CTNNA2: variants seen among roughly 807,000 people sequenced by gnomAD.
CTNNA2 encodes catenin alpha-2.
In CTNNA2, 42 loss-of-function variants were observed where a neutral mutation model predicts 101.0. That is an observed-to-expected ratio of 0.42 (90% CI 0.32 to 0.54). CTNNA2 has a LOEUF of 0.54. Ranked by LOEUF, CTNNA2 falls within the 20% of genes least tolerant of loss-of-function variation. CTNNA2 has a pLI of 0.14. For missense variants in CTNNA2, 871 were observed against 1,223.1 expected, an observed-to-expected ratio of 0.71 and a Z score of 4.29; for synonymous variants, 450 against 456.4, an observed-to-expected ratio of 0.99 and a Z score of 0.18.
At chr2:79,218,526 G>C (rs900792210) in intron 2 of CTNNA2, among the ~76,000 whole-genome samples, 3 of 152,102 alleles carry the variant, frequency 2.0e-5, no homozygotes, top group African/African-American at 7.2e-5. Context: ...ATGTTTGTGA[G>C]TTAAGGAGTA....
At position 80,546,079 on chromosome 2, in the gene CTNNA2, A is replaced by T. The variant is rs1464836239; in HGVS notation, c.1540+16A>T. 6.2e-7 allele frequency: 1 copy of T among 1,613,014 alleles called. No individual in the cohort carries two copies. The highest frequency in any genetic ancestry group is 8.5e-7 in the Non-Finnish European group (1 of 1,179,716). On this transcript the variant is annotated intron_variant, in intron 11 of 18. Transcript: ENST00000402739. ...TCTGTCTCAGGTAATCATCACAAACAGGTCCCTTACAAGGCAGCTGGAGGA... is the reference window on the plus strand; with the variant it reads ...TCTGTCTCAGGTAATCATCACAAACTGGTCCCTTACAAGGCAGCTGGAGGA...
intron 7 of CTNNA2, among the ~76,000 whole-genome samples, chr2:80,332,574 A>C (rs1198001441): frequency 6.6e-6 from 1 of 152,220 alleles, no homozygotes; most frequent in Non-Finnish European, 1.5e-5. Flanking sequence ...CTAATAAAAA[A>C]GGAGAGTTAA....
At chr2:79,717,231 A>G (rs1274170524) in intron 2 of CTNNA2, among the ~76,000 whole-genome samples, 1 of 152,196 alleles carries the variant, frequency 6.6e-6, no homozygotes. Context: ...AAAAGTAAAC[A>G]TTCATTGGAT....
intron 7 of CTNNA2, among the ~76,000 whole-genome samples, chr2:79,952,341 A>G (rs1211357313): frequency 1.3e-5 from 2 of 152,118 alleles, no homozygotes; most frequent in Non-Finnish European, 2.9e-5. Context: ...AACAACAACA[A>G]CAACCGAAAC....
At chr2:80,079,882 T>TAAAATAAAATAAAATAA (rs1553445210) in intron 7 of CTNNA2, among the ~76,000 whole-genome samples, 2 of 54,564 alleles carry the variant, frequency 3.7e-5, no homozygotes, top group Non-Finnish European at 5.0e-5. Context: ...TAAAATAAAA[T>TAAAATAAAATAAAATAA]AATAAAATAA....
chr2:80,390,240 C>T (rs1011050067), intron 7 of CTNNA2, among the ~76,000 whole-genome samples: 3 of 152,196 alleles, frequency 2.0e-5, no homozygotes, highest in Non-Finnish European at 4.4e-5. Context: ...CCAAAGGCAA[C>T]ATCTTCTCCC....
intron 7 of CTNNA2, among the ~76,000 whole-genome samples, chr2:79,996,435 G>T (rs2103930896): frequency 6.6e-6 from 1 of 152,256 alleles, no homozygotes; most frequent in African/African-American, 2.4e-5. Context: ...TATTATACCT[G>T]CCTGGTGTTC....
chr2:80,333,919 G>A (rs377242107), intron 7 of CTNNA2, among the ~76,000 whole-genome samples: 84 of 152,222 alleles, frequency 5.5e-4, no homozygotes, highest in African/African-American at 1.9e-3. Context: ...CACCACACCC[G>A]GCCTAGCCAC....
intron 1 of CTNNA2, among the ~76,000 whole-genome samples, chr2:79,564,112 A>G (rs1674960961): frequency 6.6e-6 from 1 of 152,178 alleles, no homozygotes; most frequent in South Asian, 2.1e-4. Context: ...CATTACCAAA[A>G]TAGGAATGCA....
chr2:80,639,914 A>G (rs187950915), intron 18 of CTNNA2, among the ~76,000 whole-genome samples: 76 of 152,176 alleles, frequency 5.0e-4, no homozygotes, highest in African/African-American at 1.8e-3. Flanking sequence ...CAGCCTGACC[A>G]ACATGGTGAA....
chr2:79,311,575 C>T (rs1457473656), intron 2 of CTNNA2, among the ~76,000 whole-genome samples: 1 of 152,096 alleles, frequency 6.6e-6, no homozygotes, highest in Non-Finnish European at 1.5e-5. Context: ...CGGTGACAGT[C>T]GCTTAAAAGT....
chr2:79,745,025 A>G (rs1295853375), intron 3 of CTNNA2, among the ~76,000 whole-genome samples: 1 of 152,180 alleles, frequency 6.6e-6, no homozygotes, highest in African/African-American at 2.4e-5. Flanking sequence ...TTCCTCACAA[A>G]TGTAGCAAGC....
chr2:80,440,580 C>T (rs982686742), intron 9 of CTNNA2, among the ~76,000 whole-genome samples: 15 of 152,132 alleles, frequency 9.9e-5, no homozygotes. Context: ...ATGTTCCTTA[C>T]AGGCTTTGTT....
At chr2:79,780,559 C>T (rs1674345227) in intron 3 of CTNNA2, among the ~76,000 whole-genome samples, 1 of 152,150 alleles carries the variant, frequency 6.6e-6, no homozygotes, top group South Asian at 2.1e-4. Context: ...CACTCAAACA[C>T]ATTACATACA....
At chr2:79,634,928 C>T (rs775143127) in intron 1 of CTNNA2, among the ~76,000 whole-genome samples, 5 of 152,066 alleles carry the variant, frequency 3.3e-5, no homozygotes, top group Admixed American at 2.0e-4. Flanking sequence ...ATATTTAGAA[C>T]TTTATTCTTA....
chr2:80,271,902 G>A (rs895473942), intron 7 of CTNNA2, among the ~76,000 whole-genome samples: 1 of 152,138 alleles, frequency 6.6e-6, no homozygotes, highest in Non-Finnish European at 1.5e-5. Context: ...ATTTCATCTG[G>A]CCATTGTTTC....
In CTNNA2 at chr2:79,820,059, C is replaced by A. The variant is rs550367480; in HGVS notation, c.299-37954C>A. On this transcript the variant is annotated intron_variant, in intron 3 of 18. Transcript: ENST00000402739. ...CACTCACATATTTGTCTGTATATGA[C>A]TGTAAATCCTCAGATAAATATATGT... Among the ~76,000 whole-genome samples the A allele has an allele frequency of 5.1e-3, 775 of 150,770 alleles. 4 individuals are homozygous for A. Among genetic ancestry groups the A allele is most frequent in the Non-Finnish European group, 5.4e-3 (368 of 67,882 alleles).
intron 7 of CTNNA2, among the ~76,000 whole-genome samples, chr2:80,159,295 G>A (rs562230496): frequency 5.9e-5 from 9 of 152,240 alleles, no homozygotes; most frequent in Middle Eastern, 3.4e-3. Context: ...GCCACCACAC[G>A]TTGTTTAGTT....
chr2:80,486,924 A>G (rs1686631288), intron 9 of CTNNA2, among the ~76,000 whole-genome samples: 1 of 152,090 alleles, frequency 6.6e-6, no homozygotes, highest in Non-Finnish European at 1.5e-5. Context: ...GTTTAGTTTT[A>G]TGTAACAAGG....
Sources: gnomAD v4.1 joint callset for allele counts (sites outside exome capture counted in the v4.1 genomes callset) on GRCh38, gnomAD v4.1.1 for gene constraint, MANE v1.5 for transcripts, NCBI Gene and HGNC (gene_info 2026-07-23, HGNC 2026-07-21) for gene names.